The following CMSS1 variants were observed in gnomAD, a reference collection of about 807,000 sequenced individuals.
CMSS1 encodes protein CMSS1.
A neutral mutation model predicts 43.5 loss-of-function variants in CMSS1; 33 were observed. The observed-to-expected ratio is 0.76, with a 90% CI of 0.57 to 1.01. The LOEUF (loss-of-function observed/expected upper bound fraction) is 1.01. Ranked by LOEUF, CMSS1 falls within the 50% of genes least tolerant of loss-of-function variation. CMSS1 has a pLI of 0.00. For missense variants in CMSS1, 313 were observed against 326.4 expected (o/e 0.96, Z 0.32); for synonymous variants, 115 against 117.2 (o/e 0.98, Z 0.12).
chr3:99,913,716 T>C (rs1706865175), intron 1 of CMSS1, among the ~76,000 whole-genome samples: 1 of 152,146 alleles, frequency 6.6e-6, no homozygotes, highest in Non-Finnish European at 1.5e-5. Flanking sequence ...GAGTAGGAAG[T>C]GAGAGCAGGG....
At chr3:100,008,624 A>G (rs977900072) in intron 1 of CMSS1, among the ~76,000 whole-genome samples, 3 of 152,240 alleles carry the variant, frequency 2.0e-5, no homozygotes, top group Admixed American at 2.0e-4. Context: ...TAATACTATG[A>G]TCTTTCCAAA....
intron 1 of CMSS1, among the ~76,000 whole-genome samples, chr3:99,927,082 A>G (rs1215145615): frequency 1.3e-5 from 2 of 152,170 alleles, no homozygotes; most frequent in Non-Finnish European, 2.9e-5. Context: ...CCCAACTTTC[A>G]GCCACACTGG....
intron 1 of CMSS1, among the ~76,000 whole-genome samples, chr3:99,949,924 G>A (rs1341727695): frequency 6.6e-6 from 1 of 152,246 alleles, no homozygotes; most frequent in East Asian, 1.9e-4. Flanking sequence ...AGGCTGAGTT[G>A]TTCTGTTGCT....
chr3:100,064,152 C>A (rs2107352572), intron 1 of CMSS1, among the ~76,000 whole-genome samples: 1 of 152,292 alleles, frequency 6.6e-6, no homozygotes, highest in Non-Finnish European at 1.5e-5. Flanking sequence ...TGCTGTAAAC[C>A]TTCAAGGGCT....
chr3:100,004,587 G>A (rs1454280262), intron 1 of CMSS1, among the ~76,000 whole-genome samples: 1 of 152,088 alleles, frequency 6.6e-6, no homozygotes, highest in Non-Finnish European at 1.5e-5. Context: ...CAAGATACAA[G>A]GAATTAAGAA....
At chr3:99,818,794 T>A (rs1476656222) in intron 1 of CMSS1, among the ~76,000 whole-genome samples, 1 of 152,248 alleles carries the variant, frequency 6.6e-6, no homozygotes, top group Admixed American at 6.5e-5. Flanking sequence ...TTTGAATAGT[T>A]TCTACTATGC....
intron 1 of CMSS1, among the ~76,000 whole-genome samples, chr3:100,024,172 T>TA (rs1553706565): frequency 6.6e-6 from 1 of 152,158 alleles, no homozygotes; most frequent in East Asian, 1.9e-4. Context: ...TGGTTGTAAA[T>TA]AACAGCCATG....
chr3:100,038,980 T>C (rs971536271), intron 1 of CMSS1, among the ~76,000 whole-genome samples: 1 of 152,208 alleles, frequency 6.6e-6, no homozygotes, highest in Non-Finnish European at 1.5e-5. Context: ...GCACACACAA[T>C]ATTGCTTGCC....
chr3:99,934,239 G>A (rs768112198), intron 1 of CMSS1, among the ~76,000 whole-genome samples: 1 of 152,146 alleles, frequency 6.6e-6, no homozygotes, highest in South Asian at 2.1e-4. Context: ...ACCTCTACAT[G>A]GAAGAAGATA....
intron 1 of CMSS1, among the ~76,000 whole-genome samples, chr3:99,855,304 C>A (rs1345199262): frequency 2.6e-5 from 4 of 152,110 alleles, no homozygotes; most frequent in Non-Finnish European, 5.9e-5. Flanking sequence ...GGGTCAGTAG[C>A]TACATTTTCA....
chr3:99,858,492 G>T (rs1944084136), intron 1 of CMSS1, among the ~76,000 whole-genome samples: 1 of 151,998 alleles, frequency 6.6e-6, no homozygotes. Flanking sequence ...AAAATCATTT[G>T]TTAAAAATAA....
chr3:100,068,623 G>GT (rs893727737), intron 1 of CMSS1, among the ~76,000 whole-genome samples: 38 of 152,150 alleles, frequency 2.5e-4, no homozygotes, highest in African/African-American at 9.2e-4. Context: ...TGAAACAATA[G>GT]TTTTTTTGTT....
chr3:100,007,311 A>G (rs1248970536), intron 1 of CMSS1, among the ~76,000 whole-genome samples: 1 of 152,096 alleles, frequency 6.6e-6, no homozygotes, highest in East Asian at 1.9e-4. Flanking sequence ...TGAAATTTTT[A>G]TTTGACTAGA....
chr3:99,884,606 A>G (rs1266748741), intron 1 of CMSS1, among the ~76,000 whole-genome samples: 2 of 152,226 alleles, frequency 1.3e-5, no homozygotes, highest in Admixed American at 1.3e-4. Context: ...TAGGAGGACC[A>G]GCACAATACC....
At chr3:100,056,086 G>A (rs191703227) in intron 1 of CMSS1, among the ~76,000 whole-genome samples, 1 of 152,268 alleles carries the variant, frequency 6.6e-6, no homozygotes, top group Non-Finnish European at 1.5e-5. Context: ...TGCAAGCTAT[G>A]GTATACCAAG....
At chr3:99,925,938 A>G (rs1707280185) in intron 1 of CMSS1, 1 of 952,442 alleles carries the variant, frequency 1.0e-6, no homozygotes, top group South Asian at 4.8e-5. Context: ...TGTTGGCAAG[A>G]GCTAACTCGG....
chr3:100,093,858 G>C (rs985859561), intron 1 of CMSS1, among the ~76,000 whole-genome samples: 1 of 152,140 alleles, frequency 6.6e-6, no homozygotes, highest in Admixed American at 6.5e-5. Flanking sequence ...ATTTTCTGAA[G>C]AGTTATCTAG....
At chr3:100,165,907 T>C (rs2067061864) in intron 4 of CMSS1, among the ~76,000 whole-genome samples, 1 of 152,230 alleles carries the variant, frequency 6.6e-6, no homozygotes, top group African/African-American at 2.4e-5. Flanking sequence ...CTTGGTATTA[T>C]ACATATTGCT....
At chr3:100,047,302 G>A (rs548324898) in intron 1 of CMSS1, among the ~76,000 whole-genome samples, 2 of 152,160 alleles carry the variant, frequency 1.3e-5, no homozygotes, top group Non-Finnish European at 2.9e-5. Flanking sequence ...TGAATTCCTT[G>A]AAGAAAAGGT....
Sources: gnomAD v4.1 joint callset for allele counts (sites outside exome capture counted in the v4.1 genomes callset) on GRCh38, gnomAD v4.1.1 for gene constraint, MANE v1.5 for transcripts, NCBI Gene and HGNC (gene_info 2026-07-23, HGNC 2026-07-21) for gene names.